The following CNTN4 variants were observed in gnomAD, a reference collection of about 807,000 sequenced individuals.
CNTN4 encodes the protein contactin 4, also known as contactin-4.
A neutral mutation model predicts 122.5 loss-of-function variants in CNTN4; 77 were observed. That is an observed-to-expected ratio of 0.63 (90% confidence interval 0.52 to 0.76). The LOEUF (loss-of-function observed/expected upper bound fraction) is 0.76, where lower values mean the gene tolerates loss of function less well. Ranked by LOEUF, CNTN4 falls within the 30% of genes least tolerant of loss-of-function variation. CNTN4 has a pLI of 0.00. For missense variants in CNTN4, 1,256 were observed against 1,259.1 expected, an observed-to-expected ratio of 1.00 and a Z score of 0.04; for synonymous variants, 512 against 447.0, an observed-to-expected ratio of 1.15 and a Z score of -1.83.
intron 2 of CNTN4, among the ~76,000 whole-genome samples, chr3:2,106,326 C>T (rs1026651536): frequency 9.9e-5 from 15 of 152,238 alleles, no homozygotes; most frequent in African/African-American, 2.9e-4. Context: ...ATTTCCCTTC[C>T]GCACTGCCCT....
intron 4 of CNTN4, among the ~76,000 whole-genome samples, chr3:2,626,325 C>T (rs1400290033): frequency 6.6e-6 from 1 of 151,906 alleles, no homozygotes; most frequent in Non-Finnish European, 1.5e-5. Context: ...AACCCCATCT[C>T]TACTAAAAAT....
At chr3:2,297,273 G>A (rs1157463310) in intron 2 of CNTN4, among the ~76,000 whole-genome samples, 1 of 152,150 alleles carries the variant, frequency 6.6e-6, no homozygotes, top group African/African-American at 2.4e-5. Context: ...AGGAATGCAG[G>A]ACAGATTTGG....
At chr3:2,684,098 C>G (rs1271460470) in intron 4 of CNTN4, among the ~76,000 whole-genome samples, 1 of 152,136 alleles carries the variant, frequency 6.6e-6, no homozygotes, top group Non-Finnish European at 1.5e-5. Flanking sequence ...GCAATTCACA[C>G]TATTAAATAT....
intron 14 of CNTN4, among the ~76,000 whole-genome samples, chr3:3,018,090 C>T (rs1050167558): frequency 5.9e-5 from 9 of 151,964 alleles, no homozygotes; most frequent in Non-Finnish European, 1.3e-4. Flanking sequence ...AATGTAGATC[C>T]TAATGACCCA....
At chr3:2,597,290 A>G (rs1436916762) in intron 4 of CNTN4, among the ~76,000 whole-genome samples, 2 of 152,192 alleles carry the variant, frequency 1.3e-5, no homozygotes, top group Non-Finnish European at 2.9e-5. Flanking sequence ...TTTAATAAGG[A>G]CTACAACATT....
chr3:2,456,882 A>G (rs937928501), intron 3 of CNTN4, among the ~76,000 whole-genome samples: 2 of 152,088 alleles, frequency 1.3e-5, no homozygotes, highest in African/African-American at 4.8e-5. Flanking sequence ...TGGGAGCTAC[A>G]TCTGTTTTTG....
At chr3:2,158,580 T>C (rs1299636804) in intron 2 of CNTN4, among the ~76,000 whole-genome samples, 1 of 152,208 alleles carries the variant, frequency 6.6e-6, no homozygotes, top group African/African-American at 2.4e-5. Context: ...ATGGAGTGAA[T>C]CCTCACTGAT....
chr3:2,929,141 C>T (rs968486334), intron 13 of CNTN4, among the ~76,000 whole-genome samples: 1 of 152,068 alleles, frequency 6.6e-6, no homozygotes, highest in Non-Finnish European at 1.5e-5. Context: ...GTGTGTGTCT[C>T]CAGCAATCAG....
intron 3 of CNTN4, among the ~76,000 whole-genome samples, chr3:2,404,223 G>C (rs1179000734): frequency 6.6e-6 from 1 of 152,172 alleles, no homozygotes; most frequent in African/African-American, 2.4e-5. Context: ...TTATGGATCA[G>C]AAGTGTAAAC....
intron 3 of CNTN4, among the ~76,000 whole-genome samples, chr3:2,346,299 CT>C (rs2044395787): frequency 6.6e-6 from 1 of 152,062 alleles, no homozygotes; most frequent in Admixed American, 6.5e-5. Flanking sequence ...ACCTAAAATT[CT>C]TTAACTCAAA....
intron 4 of CNTN4, among the ~76,000 whole-genome samples, chr3:2,675,013 C>G (rs982523198): frequency 6.6e-6 from 1 of 152,004 alleles, no homozygotes; most frequent in South Asian, 2.1e-4. Context: ...TGGATAAGAC[C>G]TCAAAAGCAC....
At chr3:2,476,040 C>A (rs1013150562) in intron 3 of CNTN4, among the ~76,000 whole-genome samples, 2 of 152,178 alleles carry the variant, frequency 1.3e-5, no homozygotes, top group Admixed American at 6.5e-5. Context: ...AGCATATGGT[C>A]TGAGAAGCAG....
chr3:2,839,354 G>C (rs1376540368), intron 7 of CNTN4, among the ~76,000 whole-genome samples: 1 of 151,930 alleles, frequency 6.6e-6, no homozygotes, highest in Non-Finnish European at 1.5e-5. Context: ...AAAAAGCGGG[G>C]GCAGGAAAGA....
At chr3:2,455,885 C>A (rs1238071960) in intron 3 of CNTN4, among the ~76,000 whole-genome samples, 1 of 152,058 alleles carries the variant, frequency 6.6e-6, no homozygotes, top group Non-Finnish European at 1.5e-5. Flanking sequence ...ATATTCAAAA[C>A]TTGCCTCTCT....
chr3:2,815,887 T>C (rs1450972655), intron 6 of CNTN4, among the ~76,000 whole-genome samples: 1 of 150,368 alleles, frequency 6.7e-6, no homozygotes, highest in Non-Finnish European at 1.5e-5. Flanking sequence ...TATATATATA[T>C]ATATGATGGA....
In CNTN4 at chr3:2,172,255, C is replaced by G. The variant is rs1394606429; in HGVS notation, c.-145+71616C>G. On this transcript the variant is annotated intron_variant, in intron 2 of 24. Transcript: ENST00000418658. ...AACGAAATAATGTCTTTTTCAGCAA[C>G]TTAGATGGAGCTGGAGGCCATTATT... 1.3e-5 allele frequency among the ~76,000 whole-genome samples: 2 copies of G among 152,048 alleles called. 1 individual carries two copies.
chr3:2,678,925 G>A (rs1408379880), intron 4 of CNTN4, among the ~76,000 whole-genome samples: 1 of 139,988 alleles, frequency 7.1e-6, no homozygotes, highest in Non-Finnish European at 1.5e-5. Flanking sequence ...AGGGGTAAAA[G>A]TACAGCTGTC....
intron 2 of CNTN4, among the ~76,000 whole-genome samples, chr3:2,222,249 A>G (rs1342213213): frequency 2.0e-5 from 3 of 152,184 alleles, no homozygotes; most frequent in Non-Finnish European, 2.9e-5. Flanking sequence ...TACAAAATGG[A>G]TAAACCTTGG....
At chr3:3,005,184 G>C (rs1022237016) in intron 14 of CNTN4, among the ~76,000 whole-genome samples, 3 of 152,164 alleles carry the variant, frequency 2.0e-5, no homozygotes, top group African/African-American at 7.2e-5. Context: ...GATTCACACC[G>C]AGGCTAATCT....
Sources: allele counts gnomAD v4.1 joint callset (sites outside exome capture counted in the v4.1 genomes callset), GRCh38; gene constraint gnomAD v4.1.1; transcripts MANE v1.5; gene names NCBI Gene and HGNC (gene_info 2026-07-23, HGNC 2026-07-21).